SNX4: variants seen among roughly 807,000 people sequenced by gnomAD.
SNX4 encodes the protein sorting nexin 4, also known as sorting nexin-4.
SNX4 carries 49 observed loss-of-function variants against 70.8 expected under a neutral mutation model. That is an observed-to-expected ratio of 0.69 (90% CI 0.55 to 0.88). The LOEUF (loss-of-function observed/expected upper bound fraction) is 0.88, where lower values mean the gene tolerates loss of function less well. Ranked by LOEUF, SNX4 falls within the 40% of genes least tolerant of loss-of-function variation. SNX4 has a pLI of 0.00. For synonymous variants in SNX4, 206 were observed against 183.8 expected (o/e 1.12, Z -0.98); for missense variants, 528 against 544.8 (o/e 0.97, Z 0.31).
intron 13 of SNX4, chr3:125,449,020 C>A (rs1579967268): frequency 6.6e-6 from 1 of 152,004 alleles, no homozygotes; most frequent in African/African-American, 2.4e-5. Flanking sequence ...GATACATATT[C>A]TCCAATAATT....
At chr3:125,452,599 T>C (rs1485893093) in intron 12 of SNX4, among the ~76,000 whole-genome samples, 1 of 151,880 alleles carries the variant, frequency 6.6e-6, no homozygotes, top group Non-Finnish European at 1.5e-5. Context: ...TGAAAAATAA[T>C]AATAAAAATT....
At chr3:125,486,142 G>T (rs1403673432) in intron 6 of SNX4, among the ~76,000 whole-genome samples, 11 of 152,116 alleles carry the variant, frequency 7.2e-5, no homozygotes. Flanking sequence ...CCTGGCCTCT[G>T]TAAGCATTCT....
intron 9 of SNX4, among the ~76,000 whole-genome samples, chr3:125,463,521 T>C (rs551501738): frequency 7.6e-4 from 116 of 152,242 alleles, no homozygotes; most frequent in South Asian, 1.2e-3. Context: ...CTTGGAAACA[T>C]TGAAATGCCA....
At chr3:125,507,144 G>T (rs1935063169) in intron 1 of SNX4, among the ~76,000 whole-genome samples, 1 of 148,390 alleles carries the variant, frequency 6.7e-6, no homozygotes, top group Non-Finnish European at 1.5e-5. Flanking sequence ...GGAGGCGGAG[G>T]TTGCAGTGAG....
chr3:125,474,667 C>CA (rs541937711), intron 8 of SNX4, among the ~76,000 whole-genome samples: 29 of 151,312 alleles, frequency 1.9e-4, no homozygotes, highest in East Asian at 7.7e-4. Flanking sequence ...ATTAAGCTGG[C>CA]AAAAAAAACA....
chr3:125,476,418 A>C (rs998261393), intron 8 of SNX4, among the ~76,000 whole-genome samples: 1 of 151,826 alleles, frequency 6.6e-6, no homozygotes, highest in South Asian at 2.1e-4. Context: ...CTAAAAATAC[A>C]AAATTAGCCC....
At chr3:125,494,849 T>A (rs1934746686) in intron 5 of SNX4, among the ~76,000 whole-genome samples, 1 of 152,080 alleles carries the variant, frequency 6.6e-6, no homozygotes, top group Non-Finnish European at 1.5e-5. Context: ...GTCCTAGGGG[T>A]TACAGGTGGG....
chr3:125,517,003 T>C (rs1389354335), intron 1 of SNX4: 1 of 78,356 alleles, frequency 1.3e-5, no homozygotes, highest in East Asian at 3.3e-4. Context: ...TAGTAAGTTA[T>C]CTCAATTTCA....
At chr3:125,461,664 A>AT (rs750573774) in intron 9 of SNX4, among the ~76,000 whole-genome samples, 6,540 of 144,824 alleles carry the variant, frequency 0.045, 265 homozygotes, top group African/African-American at 0.097. Context: ...TTTTATACTA[A>AT]TTTTTTTTTT....
intron 5 of SNX4, among the ~76,000 whole-genome samples, chr3:125,490,539 A>G (rs1435067812): frequency 6.6e-6 from 1 of 151,464 alleles, no homozygotes; most frequent in Non-Finnish European, 1.5e-5. Flanking sequence ...AAAAAAAAAA[A>G]AAAAAAGAAA....
chr3:125,476,748 T>C lies in SNX4; in HGVS notation c.735A>G (p.Ala245=). The change falls in exon 8 of 14, where the codon GCA becomes GCG. Residue 245 remains alanine (A), a synonymous_variant. Coordinates refer to ENST00000251775, the MANE Select transcript of SNX4 (RefSeq NM_003794.4). ...CTTTATATACACCATAGAGTCGATCTGCTACTCTCTGAAATAAATATTTAA... is the reference window on the plus strand; with the variant it reads ...CTTTATATACACCATAGAGTCGATCCGCTACTCTCTGAAATAAATATTTAA... ...SHLLRVRARV[A]DRLYGVYKVH... 1 of 1,581,324 alleles carries C rather than the reference T, an allele frequency of 6.3e-7. No individual in the cohort carries two copies. Among genetic ancestry groups the C allele is most frequent in the East Asian group, 2.3e-5 (1 of 44,400 alleles).
intron 1 of SNX4, 106 bp downstream of exon 1, chr3:125,519,926 G>A (rs1294615992): frequency 3.6e-6 from 4 of 1,106,690 alleles, no homozygotes; most frequent in South Asian, 4.0e-5. Flanking sequence ...GGCCTCCTCG[G>A]CCGAGCCCAC....
rs1933451369 is a variant in SNX4, at chr3:125,447,461, A to G, written c.*318T>C. 1 of 206,550 alleles carries G rather than the reference A, an allele frequency of 4.8e-6. No homozygotes were observed. Among genetic ancestry groups the G allele is most frequent in the African/African-American group, 2.3e-5 (1 of 43,220 alleles). 12.8% of individuals were successfully genotyped at this position (206,550 alleles called of 1,614,324 possible). ...GATCTGAAACAGCTGGTCTTGAAACAAACATCTAGAAATTAACGAACATCT... is the reference window on the plus strand; with the variant it reads ...GATCTGAAACAGCTGGTCTTGAAACGAACATCTAGAAATTAACGAACATCT... On this transcript the variant is annotated 3_prime_UTR_variant, in exon 14 of 14. Coordinates refer to ENST00000251775, the MANE Select transcript of SNX4 (RefSeq NM_003794.4).
chr3:125,447,873 T>C, intron 13 of SNX4, 47 bp from the exon 14 acceptor site: 1 of 1,326,288 alleles, frequency 7.5e-7, no homozygotes, highest in Non-Finnish European at 1.1e-6. Flanking sequence ...GGAAGGAATC[T>C]GAAAACCCAA....
At position 125,498,072 on chromosome 3, in the gene SNX4, A is replaced by G. The variant is rs1436361426; in HGVS notation, c.386T>C (p.Leu129Pro). The change falls in exon 3 of 14, where the codon CTG becomes CCG. Residue 129 changes from leucine to proline, a missense_variant. Physicochemically the swap from Leu to Pro is moderately conservative, Grantham distance 98 (BLOSUM62 -3). Transcript: ENST00000251775. Reference sequence around the variant, plus strand: ...TTCACTTCTTACCCGTTTTTCTGGCAGAGGTGGCACAACAATATGTGGATA... The same window carrying G: ...TTCACTTCTTACCCGTTTTTCTGGCGGAGGTGGCACAACAATATGTGGATA... Reference protein sequence around the residue: ...VYYPHIVVPPLPEKRAEFVWH... With the variant: ...VYYPHIVVPPPPEKRAEFVWH... The G allele has an allele frequency of 1.2e-6, 2 of 1,614,020 alleles. No individual in the cohort carries two copies. The highest frequency in any genetic ancestry group is 2.2e-5 in the East Asian group (1 of 44,894).
At chr3:125,506,258 G>A (rs57716183) in intron 1 of SNX4, among the ~76,000 whole-genome samples, 1 of 151,686 alleles carries the variant, frequency 6.6e-6, no homozygotes, top group African/African-American at 2.4e-5. Flanking sequence ...TCCCTTCAGA[G>A]GGAAAAAATA....
intron 5 of SNX4, among the ~76,000 whole-genome samples, chr3:125,495,285 C>CATACACAT (rs144579998): frequency 1.6e-5 from 1 of 61,804 alleles, no homozygotes; most frequent in Admixed American, 1.5e-4. Context: ...TATACACATA[C>CATACACAT]ACACACACAC....
chr3:125,462,185 A>C (rs1933900168), intron 9 of SNX4, among the ~76,000 whole-genome samples: 1 of 152,122 alleles, frequency 6.6e-6, no homozygotes, highest in Non-Finnish European at 1.5e-5. Context: ...TTTGAACTTA[A>C]ATTTTATCAA....
chr3:125,490,605 T>C, intron 5 of SNX4, among the ~76,000 whole-genome samples: 1 of 151,934 alleles, frequency 6.6e-6, no homozygotes, highest in East Asian at 1.9e-4. Flanking sequence ...CAGCAATTAC[T>C]TTCTAGCTAG....
Sources: gnomAD v4.1 joint callset for allele counts (sites outside exome capture counted in the v4.1 genomes callset) on GRCh38, gnomAD v4.1.1 for gene constraint, MANE v1.5 for transcripts, NCBI Gene and HGNC (gene_info 2026-07-23, HGNC 2026-07-21) for gene names.